Variants in HERC1 observed in about 807,000 individuals in gnomAD.
The protein encoded by HERC1 is HECT and RLD domain containing E3 ubiquitin protein ligase family member 1.
A neutral mutation model predicts 554.3 loss-of-function variants in HERC1; 160 were observed. That is an observed-to-expected ratio of 0.29 (90% CI 0.25 to 0.33). HERC1 has a LOEUF of 0.33. Among genes scored for constraint, HERC1 ranks in the 10% least tolerant of loss-of-function variants. The probability of loss-of-function intolerance (pLI) is 1.00; values close to 1 mark genes in which losing one functional copy is unlikely to be tolerated. For synonymous variants in HERC1, 2,175 were observed against 2,131.7 expected, an observed-to-expected ratio of 1.02 and a Z score of -0.56; for missense variants, 4,919 against 5,918.5, an observed-to-expected ratio of 0.83 and a Z score of 5.54.
rs754461598 is a variant in HERC1 at position 63,672,634 on chromosome 15, G to C, written c.7907C>G (p.Thr2636Ser). 3 of 1,613,078 alleles carry C rather than the reference G, an allele frequency of 1.9e-6. No homozygotes were observed. In the South Asian group the frequency reaches 3.3e-5, roughly 18 times the overall value. ...PAQQAQTPVT[T>S]SPSASSTTSF... ...GGTCGTGCTTGAGGCTGATGGGCTA[G>C]TAGTAACTGGTGTCTGTGCCTGCTG... The change falls in exon 39 of 78, where the codon ACT becomes AGT. Residue 2636 changes from threonine to serine, a missense_variant. Thr to Ser is a moderately conservative substitution (Grantham distance 58). This residue lies in a region of HERC1 where 1,963 missense variants were observed against 2,228.6 expected (regional missense o/e 0.88). Transcript: ENST00000443617.
At chr15:63,780,969 C>T (rs1470507244) in intron 1 of HERC1, among the ~76,000 whole-genome samples, 1 of 151,660 alleles carries the variant, frequency 6.6e-6, no homozygotes, top group Non-Finnish European at 1.5e-5. Context: ...AAATGTATAT[C>T]CTAAGTGATG....
At chr15:63,767,876 C>T (rs2075832408) in intron 2 of HERC1, among the ~76,000 whole-genome samples, 1 of 152,132 alleles carries the variant, frequency 6.6e-6, no homozygotes, top group African/African-American at 2.4e-5. Flanking sequence ...ACTTTCACAC[C>T]ACTCTCCTCA....
chr15:63,825,138 A>C (rs958271558), intron 1 of HERC1, among the ~76,000 whole-genome samples: 4 of 151,968 alleles, frequency 2.6e-5, no homozygotes, highest in Admixed American at 2.0e-4. Flanking sequence ...GCAAAACCCC[A>C]TCTCCTCAAA....
At position 63,698,823 on chromosome 15, in the gene HERC1, C is replaced by G; in HGVS notation, c.4810G>C (p.Gly1604Arg). The change falls in exon 26 of 78, where the codon GGG (glycine) becomes CGG (arginine). Residue 1604 changes from glycine to arginine, a missense_variant. Physicochemically the swap from Gly to Arg is moderately radical, Grantham distance 125 (BLOSUM62 -2). Coordinates refer to ENST00000443617, the MANE Select transcript of HERC1 (RefSeq NM_003922.4). The part of the protein sequence containing the change: ...NVVSFVSGDV[G>R]NAPGFKEPEE... ...GGCTCTTTAAAACCTGGGGCATTCC[C>G]CACATCTCCACTCACAAAGCTTACA... is the stretch of plus-strand genomic sequence containing the variant. 6.2e-7 allele frequency: 1 copy of G among 1,613,888 alleles called. No individual in the cohort carries two copies. The highest frequency in any genetic ancestry group is 1.1e-5 in the South Asian group (1 of 91,072).
At chr15:63,616,351 T>A in intron 75 of HERC1, 79 bp downstream of exon 75, 10 of 1,446,220 alleles carry the variant, frequency 6.9e-6, no homozygotes, top group Non-Finnish European at 9.4e-6. Flanking sequence ...AGACTGTATC[T>A]CAATTTTACA....
chr15:63,662,865 GGAT>G, intron 44 of HERC1, 116 bp downstream of exon 44: 1 of 692,830 alleles, frequency 1.4e-6, no homozygotes. Flanking sequence ...CCAAACCTCA[GGAT>G]GAGATAAAAG....
chr15:63,682,721 G>A (rs2071540270), intron 34 of HERC1, among the ~76,000 whole-genome samples: 1 of 152,094 alleles, frequency 6.6e-6, no homozygotes, highest in Non-Finnish European at 1.5e-5. Context: ...AATTTACCTT[G>A]TAAATGCTAA....
Position 63,775,513 on chromosome 15 carries a change from CAGA to C in HERC1, c.108_110del (p.Leu37del). The C allele has an allele frequency of 6.2e-7, 1 of 1,613,992 alleles. No homozygotes were observed. ...CCTTATTGCTAACCAGTTTAGAATA[CAGA>C]ACAGCAACTCCCTCTCTTGTAGCAA... is the stretch of plus-strand genomic sequence containing the variant. On this transcript the variant is annotated inframe_deletion, in exon 2 of 78. Transcript: ENST00000443617. The surrounding 1 kb of genome is among the most constrained non-coding windows in gnomAD (Gnocchi z 4.0).
Position 63,609,095 on chromosome 15 carries a change from C to T in HERC1, c.14572G>A (p.Asp4858Asn). 2.5e-6 allele frequency: 4 copies of T among 1,613,240 alleles called. No homozygotes were observed. The highest frequency in any genetic ancestry group is 3.4e-6 in the Non-Finnish European group (4 of 1,179,512). Residue 4858 changes from aspartate to asparagine, a missense_variant, in exon 78 of 78, where the codon GAC (aspartate) becomes AAC (asparagine). Around this residue, in one of 11 missense-constraint regions of HERC1, gnomAD observed 71 missense variants for 101.4 expected, o/e 0.70. Transcript: ENST00000443617. ...CACCCGCACGGTCAGTAGTCAGTGT[C>T]GGAGCCCTCGGCGTTGTCCACGTTT... Reference protein sequence around the residue: ...SRNVDNAEGSDTDY With the variant: ...SRNVDNAEGSNTDY
Position 63,752,696 on chromosome 15 carries a change from C to T in HERC1, c.1902+262G>A, listed in dbSNP as rs552340826. The T allele has an allele frequency of 3.2e-4, 94 of 297,942 alleles. 1 individual carries two copies. The highest frequency in any genetic ancestry group is 1.8e-3 in the African/African-American group (84 of 46,348). The allele number at this position is 297,942 out of a possible 1,614,324, so 18.5% of individuals were successfully genotyped here. On this transcript the variant is annotated intron_variant, in intron 8 of 77. Coordinates refer to ENST00000443617, the MANE Select transcript of HERC1 (RefSeq NM_003922.4). ...TGTTTTAGAAAAGGTTTAAGGGAAG[C>T]TAAATGCTAAAACATTTTAGAAAGT...
At chr15:63,647,465 G>C (rs924602805) in intron 55 of HERC1, among the ~76,000 whole-genome samples, 8 of 152,056 alleles carry the variant, frequency 5.3e-5, no homozygotes, top group African/African-American at 1.9e-4. Flanking sequence ...ACAAAAACCA[G>C]AACTACCATT....
intron 2 of HERC1, among the ~76,000 whole-genome samples, chr15:63,769,651 C>T (rs535816292): frequency 6.6e-6 from 1 of 151,948 alleles, no homozygotes; most frequent in South Asian, 2.1e-4. Flanking sequence ...GTCAGGAGTT[C>T]GAGACCAGCC....
chr15:63,794,662 C>A (rs981978641), intron 1 of HERC1, among the ~76,000 whole-genome samples: 1 of 152,106 alleles, frequency 6.6e-6, no homozygotes, highest in Non-Finnish European at 1.5e-5. Context: ...ATATATTTTA[C>A]AATATCTCAC....
chr15:63,658,813 C>G, intron 47 of HERC1, 95 bp from the exon 48 acceptor site: 1 of 955,164 alleles, frequency 1.0e-6, no homozygotes, highest in Non-Finnish European at 1.5e-6. Context: ...GGTTCCATAA[C>G]AAACCAATGT....
chr15:63,698,667 A>C, intron 26 of HERC1, 61 bp downstream of exon 26: 1 of 1,504,390 alleles, frequency 6.6e-7, no homozygotes, highest in South Asian at 1.3e-5. Flanking sequence ...AGAACTATAC[A>C]TTCAATGGTT....
intron 48 of HERC1, among the ~76,000 whole-genome samples, chr15:63,656,739 C>T (rs1425158498): frequency 6.6e-6 from 1 of 152,162 alleles, no homozygotes; most frequent in Non-Finnish European, 1.5e-5. Flanking sequence ...TCAGAAGTAA[C>T]CACTATCCTG....
At chr15:63,824,218 A>G (rs758408809) in intron 1 of HERC1, among the ~76,000 whole-genome samples, 1 of 152,168 alleles carries the variant, frequency 6.6e-6, no homozygotes, top group Non-Finnish European at 1.5e-5. Context: ...CCATTATGGA[A>G]AACAGTATGT....
intron 74 of HERC1, among the ~76,000 whole-genome samples, chr15:63,617,420 T>C (rs2067869908): frequency 6.6e-6 from 1 of 152,236 alleles, no homozygotes; most frequent in Non-Finnish European, 1.5e-5. Flanking sequence ...GTTGGACATT[T>C]GGGTTGGTTC....
chr15:63,646,125 A>G (rs1432709279), intron 55 of HERC1, among the ~76,000 whole-genome samples: 2 of 152,180 alleles, frequency 1.3e-5, no homozygotes, highest in Non-Finnish European at 2.9e-5. Flanking sequence ...GGCTGTGATC[A>G]TTGTGCTCTT....
Sources: gnomAD v4.1 joint callset for allele counts (sites outside exome capture counted in the v4.1 genomes callset) on GRCh38, gnomAD v4.1.1 for gene constraint, gnomAD v4.1.1 regional missense constraint, Gnocchi (gnomAD v3.1) non-coding constraint, MANE v1.5 for transcripts, NCBI Gene and HGNC (gene_info 2026-07-23, HGNC 2026-07-21) for gene names.